Variants in YAP1 observed in about 807,000 individuals in gnomAD.
YAP1 encodes the protein Yes1 associated transcriptional regulator, also known as transcriptional coactivator YAP1.
A neutral mutation model predicts 56.9 loss-of-function variants in YAP1; 5 were observed. That is an observed-to-expected ratio of 0.09 (90% CI 0.05 to 0.18). YAP1 has a LOEUF of 0.18. Ranked by LOEUF, YAP1 falls within the 10% of genes least tolerant of loss-of-function variation. The pLI is 1.00. For synonymous variants in YAP1, 265 were observed against 248.1 expected (o/e 1.07, Z -0.64); for missense variants, 539 against 651.8 (o/e 0.83, Z 1.88).
intron 3 of YAP1, among the ~76,000 whole-genome samples, chr11:102,184,644 T>G (rs1263141632): frequency 2.0e-5 from 3 of 152,228 alleles, no homozygotes; most frequent in African/African-American, 7.2e-5. Context: ...AATAGGACTT[T>G]GGGTCCCATG....
chr11:102,155,579 T>C (rs963025439), intron 2 of YAP1, among the ~76,000 whole-genome samples: 1 of 152,230 alleles, frequency 6.6e-6, no homozygotes, highest in African/African-American at 2.4e-5. Flanking sequence ...GTCAGCAGTT[T>C]ACGTTACAAG....
chr11:102,171,889 A>G (rs898052910), intron 3 of YAP1, among the ~76,000 whole-genome samples: 3 of 152,134 alleles, frequency 2.0e-5, no homozygotes, highest in Non-Finnish European at 4.4e-5. Context: ...TTATATTACC[A>G]TAAAAAATGT....
intron 3 of YAP1, among the ~76,000 whole-genome samples, chr11:102,174,370 G>A (rs1256532133): frequency 6.6e-6 from 1 of 152,016 alleles, no homozygotes; most frequent in Non-Finnish European, 1.5e-5. Flanking sequence ...AGGCCAACGC[G>A]GGCAGATCAT....
intron 2 of YAP1, among the ~76,000 whole-genome samples, chr11:102,116,004 C>G (rs1329902232): frequency 6.6e-6 from 1 of 152,098 alleles, no homozygotes; most frequent in Non-Finnish European, 1.5e-5. Context: ...CTTCTTAGTT[C>G]TTTGTATCTT....
chr11:102,197,891 TGA>T (rs1250982291), intron 4 of YAP1, among the ~76,000 whole-genome samples: 1 of 152,148 alleles, frequency 6.6e-6, no homozygotes, highest in Non-Finnish European at 1.5e-5. Flanking sequence ...TGCCTGCTTG[TGA>T]GGTCTCTGCT....
At chr11:102,157,057 A>G (rs780403495) in intron 2 of YAP1, among the ~76,000 whole-genome samples, 1 of 152,166 alleles carries the variant, frequency 6.6e-6, no homozygotes, top group Non-Finnish European at 1.5e-5. Context: ...GCTTTTATGT[A>G]TTTCTGCTCA....
Position 102,110,805 on chromosome 11 carries a change from C to T in YAP1, c.-44C>T, listed in dbSNP as rs902415336. ...AGCCGGGGCGTCCGGGCGTAGCCCTCGCTCGCCTGGGTCAGGGGGTGCGCG... is the reference window on the plus strand; with the variant it reads ...AGCCGGGGCGTCCGGGCGTAGCCCTTGCTCGCCTGGGTCAGGGGGTGCGCG... On this transcript the variant is annotated 5_prime_UTR_variant, in exon 1 of 9. Transcript: ENST00000282441. 3.8e-6 allele frequency: 5 copies of T among 1,314,792 alleles called. No individual in the cohort carries two copies. The highest frequency in any genetic ancestry group is 3.1e-5 in the African/African-American group (2 of 64,358). The allele number at this position is 1,314,792 out of a possible 1,614,324, so 81.4% of individuals were successfully genotyped here. A position where few individuals can be genotyped will look rare whatever the true frequency, so the allele number is the denominator to read the frequency against.
At chr11:102,163,153 A>G (rs1446830611) in intron 3 of YAP1, among the ~76,000 whole-genome samples, 1 of 152,112 alleles carries the variant, frequency 6.6e-6, no homozygotes, top group Non-Finnish European at 1.5e-5. Context: ...TTTTACTAGA[A>G]GATAAACCTG....
chr11:102,158,118 G>T (rs1565212133), intron 2 of YAP1, among the ~76,000 whole-genome samples: 1 of 152,106 alleles, frequency 6.6e-6, no homozygotes, highest in Non-Finnish European at 1.5e-5. Flanking sequence ...TTACACTCCT[G>T]GGATTTTGTG....
intron 2 of YAP1, among the ~76,000 whole-genome samples, chr11:102,122,625 G>A (rs907322314): frequency 6.6e-6 from 1 of 152,030 alleles, no homozygotes; most frequent in African/African-American, 2.4e-5. Context: ...TGGGTATGGT[G>A]GCTCACGCCT....
intron 6 of YAP1, among the ~76,000 whole-genome samples, chr11:102,221,103 A>G (rs1017284595): frequency 2.6e-5 from 4 of 152,200 alleles, no homozygotes; most frequent in African/African-American, 9.6e-5. Flanking sequence ...GGTTAAGTGA[A>G]TTGTCCATTT....
chr11:102,113,405 T>C (rs1360167020), intron 1 of YAP1, among the ~76,000 whole-genome samples: 1 of 152,216 alleles, frequency 6.6e-6, no homozygotes, highest in Non-Finnish European at 1.5e-5. Context: ...CAACTTAGAC[T>C]GGAACTCAGA....
At chr11:102,164,150 G>C (rs577562471) in intron 3 of YAP1, among the ~76,000 whole-genome samples, 1 of 151,534 alleles carries the variant, frequency 6.6e-6, no homozygotes, top group Non-Finnish European at 1.5e-5. Flanking sequence ...TGATTCTCGC[G>C]CCTCAGCCTC....
intron 5 of YAP1, among the ~76,000 whole-genome samples, chr11:102,206,617 G>T (rs2135598092): frequency 6.6e-6 from 1 of 152,238 alleles, no homozygotes; most frequent in East Asian, 1.9e-4. Context: ...AGGCCAGGGT[G>T]GGCAGATCAC....
intron 3 of YAP1, among the ~76,000 whole-genome samples, chr11:102,170,894 G>T (rs544332926): frequency 3.0e-4 from 46 of 151,584 alleles, no homozygotes; most frequent in African/African-American, 6.3e-4. Context: ...GTTTGAACTC[G>T]GGAGGCAGAG....
At chr11:102,194,611 A>G (rs895678983) in intron 4 of YAP1, among the ~76,000 whole-genome samples, 19 of 152,202 alleles carry the variant, frequency 1.2e-4, no homozygotes, top group African/African-American at 4.3e-4. Context: ...TAAGTATGGT[A>G]AAAGGTACTA....
chr11:102,214,198 G>A (rs1949555464), intron 6 of YAP1, among the ~76,000 whole-genome samples: 1 of 152,176 alleles, frequency 6.6e-6, no homozygotes, highest in Non-Finnish European at 1.5e-5. Context: ...GTATGATATG[G>A]GGTTACTTTC....
intron 3 of YAP1, among the ~76,000 whole-genome samples, chr11:102,179,383 A>G (rs1160835469): frequency 6.6e-6 from 1 of 152,156 alleles, no homozygotes; most frequent in Non-Finnish European, 1.5e-5. Context: ...AGAGGTTGTC[A>G]TGAGTTTGGG....
At chr11:102,195,495 T>G (rs12420287) in intron 4 of YAP1, among the ~76,000 whole-genome samples, 45,482 of 151,962 alleles carry the variant, frequency 0.3, 7,129 homozygotes, top group East Asian at 0.36. Flanking sequence ...CCCACCCAAA[T>G]CTCATCTTGA....
Sources: gnomAD v4.1 joint callset for allele counts (sites outside exome capture counted in the v4.1 genomes callset) on GRCh38, gnomAD v4.1.1 for gene constraint, MANE v1.5 for transcripts, NCBI Gene and HGNC (gene_info 2026-07-23, HGNC 2026-07-21) for gene names.